Variants in GALM observed in about 807,000 individuals in gnomAD.
GALM encodes galactose mutarotase.
GALM carries 43 observed loss-of-function variants against 37.4 expected under a neutral mutation model. That is an observed-to-expected ratio of 1.15 (90% CI 0.90 to 1.48). GALM has a LOEUF of 1.48. GALM is among the 40% of genes most tolerant of loss of function. The pLI is 0.00. For missense variants in GALM, 456 were observed against 419.1 expected (o/e 1.09, Z -0.77); for synonymous variants, 199 against 170.6 (o/e 1.17, Z -1.30).
intron 4 of GALM, among the ~76,000 whole-genome samples, chr2:38,707,330 A>G (rs1666052627): frequency 6.6e-6 from 1 of 152,126 alleles, no homozygotes; most frequent in South Asian, 2.1e-4. Context: ...GACTGAGGAG[A>G]GCAGTGGTCT....
intron 4 of GALM, among the ~76,000 whole-genome samples, chr2:38,722,667 A>C (rs1666407558): frequency 6.6e-6 from 1 of 152,212 alleles, no homozygotes; most frequent in African/African-American, 2.4e-5. Context: ...AACACTCAGC[A>C]TTGCTGAGAG....
At chr2:38,732,021 T>C in intron 6 of GALM, 112 bp downstream of exon 6, 1 of 954,388 alleles carries the variant, frequency 1.0e-6, no homozygotes, top group Non-Finnish European at 1.6e-6. Flanking sequence ...ATGCTTTGTT[T>C]GTTTGGTTTG....
At chr2:38,708,935 T>C (rs993128678) in intron 4 of GALM, among the ~76,000 whole-genome samples, 2 of 152,148 alleles carry the variant, frequency 1.3e-5, no homozygotes, top group African/African-American at 2.4e-5. Flanking sequence ...GAATCTGTGG[T>C]GGCCTCTGCC....
At chr2:38,697,323 T>G (rs1298970624) in intron 4 of GALM, among the ~76,000 whole-genome samples, 1 of 152,190 alleles carries the variant, frequency 6.6e-6, no homozygotes, top group Non-Finnish European at 1.5e-5. Flanking sequence ...CAGCCGCCTG[T>G]TGACTTTCAG....
intron 4 of GALM, among the ~76,000 whole-genome samples, chr2:38,703,608 G>A (rs1665975435): frequency 6.6e-6 from 1 of 152,128 alleles, no homozygotes; most frequent in Admixed American, 6.6e-5. Context: ...CTTACACCCT[G>A]ATTCAAAGAC....
intron 3 of GALM, among the ~76,000 whole-genome samples, chr2:38,688,443 G>A (rs372138414): frequency 1.3e-5 from 2 of 151,990 alleles, no homozygotes; most frequent in South Asian, 2.1e-4. Flanking sequence ...CCCGAGAGGC[G>A]GAGGTTGCAG....
rs1193709651 is a variant in GALM at position 38,734,015 on chromosome 2, TAGG to T, written c.*453_*455del. ...GTCACATTAGCCTCACCCTGCATGC[TAGG>T]AGATGGACCTGTCTCTATACAGCAG... On this transcript the variant is annotated 3_prime_UTR_variant, in exon 7 of 7. Transcript: ENST00000272252. 1.6e-5 allele frequency: 4 copies of T among 244,366 alleles called. No individual in the cohort carries two copies. The East Asian group carries it at 3.6e-4, about 22-fold the overall frequency. 15.1% of individuals were successfully genotyped at this position (244,366 alleles called of 1,614,324 possible).
chr2:38,719,699 C>T (rs952346278), intron 4 of GALM, among the ~76,000 whole-genome samples: 3 of 142,150 alleles, frequency 2.1e-5, no homozygotes, highest in African/African-American at 5.3e-5. Context: ...GCTTCAACCC[C>T]GAAGGTGGAG....
At chr2:38,698,513 TAA>T (rs1241787730) in intron 4 of GALM, 1,927 of 515,228 alleles carry the variant, frequency 3.7e-3, no homozygotes, top group South Asian at 6.3e-3. Flanking sequence ...CTTAGCTACT[TAA>T]AAAAAAAAAA....
At chr2:38,701,406 A>G (rs1665913667) in intron 4 of GALM, among the ~76,000 whole-genome samples, 1 of 152,206 alleles carries the variant, frequency 6.6e-6, no homozygotes, top group African/African-American at 2.4e-5. Flanking sequence ...GAAAGCAAAA[A>G]TGAGTGCTTT....
At chr2:38,705,637 A>G (rs903070018) in intron 4 of GALM, among the ~76,000 whole-genome samples, 6 of 152,186 alleles carry the variant, frequency 3.9e-5, no homozygotes, top group Admixed American at 2.6e-4. Context: ...TAAGCCAATA[A>G]GCCAAAGAGA....
rs1665521973 is a variant in GALM, at chr2:38,686,249, TTTCTTTCTTTCTTTCTTTC to T, written c.553-3561_553-3543del. ...CTTTCTTTCTTTCTTTCTTTCTTTC[TTTCTTTCTTTCTTTCTTTC>T]TTTCTTTCTTATTTTGAGATGGAGT... On this transcript the variant is annotated intron_variant, in intron 3 of 6. Transcript: ENST00000272252. Among the ~76,000 whole-genome samples the T allele has an allele frequency of 2.5e-5, 3 of 120,902 alleles. No individual in the cohort carries two copies. The South Asian group carries it at 8.0e-4, about 32-fold the overall frequency. 79.3% of individuals were successfully genotyped at this position (120,902 alleles called of 152,430 possible).
intron 4 of GALM, among the ~76,000 whole-genome samples, chr2:38,702,127 A>C (rs965351546): frequency 4.6e-5 from 7 of 152,208 alleles, no homozygotes; most frequent in South Asian, 2.1e-4. Context: ...GGGCTTCATA[A>C]AGTGGGATCA....
chr2:38,726,216 ATTTTTTTTTTTTTATT>A (rs757232843), intron 4 of GALM, among the ~76,000 whole-genome samples: 1 of 128,784 alleles, frequency 7.8e-6, no homozygotes. Flanking sequence ...AAGTGCCTTT[ATTTTTTTTTTTTTATT>A]TTTTTTTTTT....
At chr2:38,728,760 C>G (rs991463515) in intron 4 of GALM, among the ~76,000 whole-genome samples, 7 of 152,218 alleles carry the variant, frequency 4.6e-5, no homozygotes, top group African/African-American at 1.7e-4. Context: ...GAGCCCTTTT[C>G]TTTTCCTCTT....
intron 1 of GALM, among the ~76,000 whole-genome samples, chr2:38,669,886 A>G (rs1665044624): frequency 6.7e-6 from 1 of 148,394 alleles, no homozygotes; most frequent in African/African-American, 2.6e-5. Flanking sequence ...GAAGAAAAAA[A>G]AAGTTTTTCT....
chr2:38,685,174 C>T (rs1665490171), intron 3 of GALM, among the ~76,000 whole-genome samples: 1 of 152,184 alleles, frequency 6.6e-6, no homozygotes, highest in African/African-American at 2.4e-5. Flanking sequence ...GAAGTGTGGC[C>T]TATGCTCTGC....
intron 1 of GALM, among the ~76,000 whole-genome samples, chr2:38,670,675 G>A (rs1200197048): frequency 6.6e-6 from 1 of 152,170 alleles, no homozygotes; most frequent in Non-Finnish European, 1.5e-5. Flanking sequence ...TGATCAGAGG[G>A]AGCAACTAAT....
At chr2:38,724,548 A>G (rs1184693339) in intron 4 of GALM, among the ~76,000 whole-genome samples, 2 of 152,194 alleles carry the variant, frequency 1.3e-5, no homozygotes, top group East Asian at 1.9e-4. Flanking sequence ...CACATTTTCC[A>G]TATACTTGAT....
Sources: allele counts gnomAD v4.1 joint callset (sites outside exome capture counted in the v4.1 genomes callset), GRCh38; gene constraint gnomAD v4.1.1; transcripts MANE v1.5; gene names NCBI Gene and HGNC (gene_info 2026-07-23, HGNC 2026-07-21).